TVP23C: variants seen among roughly 807,000 people sequenced by gnomAD.
TVP23C encodes the protein trans-golgi network vesicle protein 23 homolog C.
Under a neutral mutation model 28.7 loss-of-function variants are expected in TVP23C, and 19 were observed. The observed-to-expected ratio is 0.66, with a 90% CI of 0.46 to 0.97. TVP23C has a LOEUF of 0.97. Among genes scored for constraint, TVP23C ranks in the 50% least tolerant of loss-of-function variants. The probability of loss-of-function intolerance (pLI) is 0.00; values close to 1 mark genes in which losing one functional copy is unlikely to be tolerated. For missense variants in TVP23C, 186 were observed against 241.3 expected (o/e 0.77, Z 1.52); for synonymous variants, 68 against 81.7 (o/e 0.83, Z 0.90).
downstream of TVP23C, among the ~76,000 whole-genome samples, chr17:15,534,211 G>A (rs1442340597): frequency 6.6e-6 from 1 of 151,542 alleles, no homozygotes; most frequent in Non-Finnish European, 1.5e-5. Context: ...ACAATTCTTT[G>A]TTGTCTAAAA....
At chr17:15,560,169 C>T (rs1352268506) in intron 1 of TVP23C, among the ~76,000 whole-genome samples, 1 of 149,516 alleles carries the variant, frequency 6.7e-6, no homozygotes, top group African/African-American at 2.4e-5. Flanking sequence ...AAGGGACTCC[C>T]CTGCATCAGC....
intron 5 of TVP23C, among the ~76,000 whole-genome samples, chr17:15,524,063 GGTGTGTGT>G (rs10578424): frequency 0.025 from 3,374 of 136,306 alleles, 99 homozygotes; most frequent in African/African-American, 0.073. Flanking sequence ...AGCAGAGTGG[GGTGTGTGT>G]GTGTGTGTGT....
Position 15,545,881 on chromosome 17 carries a change from AG to A in TVP23C, c.365del (p.Ala122ValfsTer18). The A allele has an allele frequency of 6.2e-7, 1 of 1,614,140 alleles. No homozygotes were observed. ...GTCCCAACCAAAAGATTCTTGATTC[AG>A]CCTCTGACACAGTTTTATTCTCTTG... is the stretch of plus-strand genomic sequence containing the variant. ...SSQENKTVSE[A>X]ESRIFWLGLI... On this transcript the variant is annotated frameshift_variant, in exon 5 of 6. Transcript: ENST00000518321. LOFTEE classifies it high-confidence loss of function.
Position 15,539,032 on chromosome 17 carries a change from G to A in TVP23C, c.*1380C>T, listed in dbSNP as rs1305305899. 1.0e-6 allele frequency: 1 copy of A among 985,152 alleles called. No individual in the cohort carries two copies. Among genetic ancestry groups the A allele is most frequent in the African/African-American group, 1.7e-5 (1 of 57,186 alleles). 61.0% of individuals were successfully genotyped at this position (985,152 alleles called of 1,614,324 possible). On this transcript the variant is annotated 3_prime_UTR_variant, in exon 6 of 6. Coordinates refer to ENST00000518321, the MANE Select transcript of TVP23C (RefSeq NM_001135036.2). ...AAGATCTAGCTTTGTACCACTATTAGCTGTATAATCTTAAGTAAATAATTT... is the reference window on the plus strand; with the variant it reads ...AAGATCTAGCTTTGTACCACTATTAACTGTATAATCTTAAGTAAATAATTT...
chr17:15,558,504 G>T (rs1424319627), intron 1 of TVP23C, among the ~76,000 whole-genome samples: 1 of 147,698 alleles, frequency 6.8e-6, no homozygotes, highest in Non-Finnish European at 1.5e-5. Flanking sequence ...GGATCTTGAG[G>T]TCAAGAGATC....
Position 15,538,243 on chromosome 17 carries a change from T to C in TVP23C, c.*2169A>G, listed in dbSNP as rs1983241708. The C allele has an allele frequency of 4.4e-6, 7 of 1,602,534 alleles. 1 individual carries two copies. The South Asian group carries it at 6.7e-5, about 15-fold the overall frequency. On this transcript the variant is annotated 3_prime_UTR_variant, in exon 6 of 6. Transcript: ENST00000518321. ...GGGGCCTAGGCCTAGGAAAACATTC[T>C]ATATTTCTAAGCAGAGCATTACCTT...
At chr17:15,546,024 T>G (rs55994720) in intron 4 of TVP23C, 108 bp from the exon 5 acceptor site, 2 of 1,363,414 alleles carry the variant, frequency 1.5e-6, no homozygotes, top group Admixed American at 2.6e-5. Context: ...TTAATACACA[T>G]AGCCCAACTC....
chr17:15,537,576 A>C lies in TVP23C; in HGVS notation c.*2836T>G. ...AAAGTAGTTAATACCACTGGCCCTAATTGTTTTCACTTGCTTGCATACGTC... is the reference window on the plus strand; with the variant it reads ...AAAGTAGTTAATACCACTGGCCCTACTTGTTTTCACTTGCTTGCATACGTC... On this transcript the variant is annotated 3_prime_UTR_variant, in exon 6 of 6. Transcript: ENST00000518321. 1 of 984,786 alleles carries C rather than the reference A, an allele frequency of 1.0e-6. No homozygotes were observed. The highest frequency in any genetic ancestry group is 1.1e-4 in the East Asian group (1 of 8,824). 61.0% of individuals were successfully genotyped at this position (984,786 alleles called of 1,614,324 possible). A position where few individuals can be genotyped will look rare whatever the true frequency, so the allele number is the denominator to read the frequency against.
chr17:15,504,067 C>T (rs1981613422), intron 5 of TVP23C, among the ~76,000 whole-genome samples: 2 of 152,182 alleles, frequency 1.3e-5, no homozygotes, highest in South Asian at 4.1e-4. Context: ...GCAGCCCTAT[C>T]CCCACATTTT....
intron 5 of TVP23C, among the ~76,000 whole-genome samples, chr17:15,524,962 G>C (rs1200051214): frequency 6.6e-6 from 1 of 152,210 alleles, no homozygotes; most frequent in Non-Finnish European, 1.5e-5. Flanking sequence ...ATGACCATCA[G>C]TTGCTTCATC....
intron 5 of TVP23C, among the ~76,000 whole-genome samples, chr17:15,545,426 A>G (rs1178474999): frequency 2.0e-5 from 3 of 152,278 alleles, no homozygotes; most frequent in Admixed American, 1.3e-4. Flanking sequence ...CTCCCAGCAG[A>G]GCCCTTCCCA....
chr17:15,520,294 T>C (rs1438632237), intron 5 of TVP23C, among the ~76,000 whole-genome samples: 5 of 150,064 alleles, frequency 3.3e-5, no homozygotes, highest in Admixed American at 2.0e-4. Flanking sequence ...TGCCCCTCAG[T>C]CTTCCCTACT....
intron 5 of TVP23C, chr17:15,507,309 A>G (rs1981798354): frequency 2.6e-6 from 2 of 761,264 alleles, no homozygotes; most frequent in South Asian, 1.3e-5. Flanking sequence ...CAGGAATGGC[A>G]AGACCAGCAA....
chr17:15,546,895 C>G (rs1027140229), intron 4 of TVP23C, among the ~76,000 whole-genome samples, 164 bp downstream of exon 4: 8 of 151,736 alleles, frequency 5.3e-5, no homozygotes, highest in Non-Finnish European at 1.2e-4. Flanking sequence ...CTGAACTAGA[C>G]AGAAAAATGC....
At chr17:15,545,064 C>T (rs1983583936) in intron 5 of TVP23C, among the ~76,000 whole-genome samples, 1 of 152,172 alleles carries the variant, frequency 6.6e-6, no homozygotes, top group South Asian at 2.1e-4. Flanking sequence ...CCAAAGACAG[C>T]AGCAACAATA....
chr17:15,558,676 C>G lies in TVP23C; in HGVS notation c.13-3312G>C, dbSNP rs555374719. 2.0e-5 allele frequency among the ~76,000 whole-genome samples: 3 copies of G among 147,952 alleles called. No individual in the cohort carries two copies. In the South Asian group the frequency reaches 6.6e-4, roughly 33 times the overall value. ...ATGGCATTAAGATGGGGAAGGGATC[C>G]CAGGTGTTTAGAAGCTGAATCAGGC... On this transcript the variant is annotated intron_variant, in intron 1 of 5. Coordinates refer to ENST00000518321, the MANE Select transcript of TVP23C (RefSeq NM_001135036.2).
At chr17:15,535,053 G>GA (rs761339106), downstream of TVP23C, among the ~76,000 whole-genome samples, 2 of 144,000 alleles carry the variant, frequency 1.4e-5, no homozygotes, top group South Asian at 2.3e-4. Flanking sequence ...CTGACCCAGG[G>GA]AAAAAAAATG....
downstream of TVP23C, among the ~76,000 whole-genome samples, chr17:15,532,755 G>A (rs2150843281): frequency 6.6e-6 from 1 of 152,018 alleles, no homozygotes; most frequent in South Asian, 2.1e-4. Flanking sequence ...TTTTTAATGG[G>A]ATATATAGGA....
At chr17:15,502,959 G>T in exon 6 of TVP23C, 1 of 1,614,114 alleles carries the variant, frequency 6.2e-7, no homozygotes, top group Non-Finnish European at 8.5e-7. Flanking sequence ...GCCCAAAGCC[G>T]CAAGGAGAGA....
Sources: allele counts gnomAD v4.1 joint callset (sites outside exome capture counted in the v4.1 genomes callset), GRCh38; gene constraint gnomAD v4.1.1; transcripts MANE v1.5; gene names NCBI Gene and HGNC (gene_info 2026-07-23, HGNC 2026-07-21).